FARS2: variants seen among roughly 807,000 people sequenced by gnomAD.
FARS2 encodes the protein phenylalanine--tRNA ligase, mitochondrial.
A neutral mutation model predicts 46.4 loss-of-function variants in FARS2; 40 were observed. The observed-to-expected ratio is 0.86, with a 90% CI of 0.67 to 1.12. The LOEUF (loss-of-function observed/expected upper bound fraction) is 1.12, where lower values mean the gene tolerates loss of function less well. Ranked by LOEUF, FARS2 falls within the 50% of genes most tolerant of loss-of-function variation. FARS2 has a pLI of 0.00. For synonymous variants in FARS2, 234 were observed against 214.9 expected, an observed-to-expected ratio of 1.09 and a Z score of -0.78; for missense variants, 513 against 567.9, an observed-to-expected ratio of 0.90 and a Z score of 0.98.
upstream of FARS2, chr6:5,260,531 G>T: frequency 7.2e-7 from 1 of 1,385,128 alleles, no homozygotes; most frequent in Non-Finnish European, 9.7e-7. Context: ...TCCTTGCCTC[G>T]CAGCCGCCGG....
At chr6:5,600,992 A>T (rs1228923796) in intron 5 of FARS2, among the ~76,000 whole-genome samples, 1 of 152,116 alleles carries the variant, frequency 6.6e-6, no homozygotes, top group Non-Finnish European at 1.5e-5. Context: ...GATTAGTGCC[A>T]TTAGAGGAAG....
intron 4 of FARS2, among the ~76,000 whole-genome samples, chr6:5,515,962 G>C (rs1468441017): frequency 6.6e-6 from 1 of 152,190 alleles, no homozygotes; most frequent in Non-Finnish European, 1.5e-5. Context: ...TTAGTTTGCT[G>C]TGTTAGGGTA....
chr6:5,757,991 C>T (rs1762294756), intron 6 of FARS2, among the ~76,000 whole-genome samples: 1 of 152,152 alleles, frequency 6.6e-6, no homozygotes, highest in Non-Finnish European at 1.5e-5. Flanking sequence ...GATGAGTTTC[C>T]ATCAGTTTGT....
intron 4 of FARS2, among the ~76,000 whole-genome samples, chr6:5,515,903 C>T (rs772767619): frequency 6.6e-6 from 1 of 152,186 alleles, no homozygotes; most frequent in Non-Finnish European, 1.5e-5. Flanking sequence ...ATATTAATTA[C>T]ATTTGTTACA....
At chr6:5,571,398 GATT>G (rs937842588) in intron 5 of FARS2, among the ~76,000 whole-genome samples, 3 of 152,116 alleles carry the variant, frequency 2.0e-5, no homozygotes, top group Non-Finnish European at 4.4e-5. Context: ...TAGTGGAAAA[GATT>G]ATTAAATCAT....
intron 6 of FARS2, among the ~76,000 whole-genome samples, chr6:5,754,224 G>A (rs1762094498): frequency 6.6e-6 from 1 of 152,232 alleles, no homozygotes; most frequent in South Asian, 2.1e-4. Flanking sequence ...GAATCACCTA[G>A]TATGCACTGA....
intron 5 of FARS2, among the ~76,000 whole-genome samples, chr6:5,562,056 A>G (rs1772015925): frequency 6.6e-6 from 1 of 152,112 alleles, no homozygotes; most frequent in Admixed American, 6.5e-5. Flanking sequence ...TATCTTCAGT[A>G]TACTTGTTTT....
At chr6:5,562,730 T>TCACACACA (rs1561715180) in intron 5 of FARS2, among the ~76,000 whole-genome samples, 59 of 103,976 alleles carry the variant, frequency 5.7e-4, no homozygotes, top group African/African-American at 2.2e-3. Context: ...ACACACACAG[T>TCACACACA]GTTTTTCATT....
intron 5 of FARS2, among the ~76,000 whole-genome samples, chr6:5,573,081 G>A (rs1772751964): frequency 6.6e-6 from 1 of 151,950 alleles, no homozygotes; most frequent in Non-Finnish European, 1.5e-5. Context: ...CTGCTTTTTG[G>A]CAGTCACATA....
At chr6:5,644,413 A>G (rs1355549221) in intron 6 of FARS2, among the ~76,000 whole-genome samples, 2 of 151,960 alleles carry the variant, frequency 1.3e-5, no homozygotes, top group Non-Finnish European at 2.9e-5. Flanking sequence ...ATGGAGTTTC[A>G]CCATGTTGCT....
intron 6 of FARS2, among the ~76,000 whole-genome samples, chr6:5,716,513 G>T (rs779916345): frequency 1.3e-5 from 2 of 152,084 alleles, no homozygotes; most frequent in Non-Finnish European, 2.9e-5. Flanking sequence ...ATTTCTCCCC[G>T]CCAACAAGCA....
intron 1 of FARS2, among the ~76,000 whole-genome samples, chr6:5,286,429 AT>A (rs1189225214): frequency 6.6e-6 from 1 of 152,034 alleles, no homozygotes; most frequent in African/African-American, 2.4e-5. Flanking sequence ...TGCCCGGCTA[AT>A]TTTTGTGTTA....
At chr6:5,318,081 T>C (rs1308734527) in intron 1 of FARS2, among the ~76,000 whole-genome samples, 1 of 151,666 alleles carries the variant, frequency 6.6e-6, no homozygotes, top group African/African-American at 2.4e-5. Context: ...ACAAGATAGG[T>C]TGGGCGCGGT....
chr6:5,718,293 A>C (rs1027243290), intron 6 of FARS2, among the ~76,000 whole-genome samples: 4 of 152,176 alleles, frequency 2.6e-5, no homozygotes, highest in African/African-American at 9.7e-5. Context: ...CTAGACTGAA[A>C]ACTTCCCAAG....
At chr6:5,409,626 A>G (rs62385373) in intron 3 of FARS2, among the ~76,000 whole-genome samples, 9 of 152,212 alleles carry the variant, frequency 5.9e-5, no homozygotes, top group Non-Finnish European at 1.3e-4. Context: ...TGTCTGTAAG[A>G]CTGAGCTGGC....
At chr6:5,406,402 G>A (rs945249065) in intron 3 of FARS2, among the ~76,000 whole-genome samples, 5 of 152,158 alleles carry the variant, frequency 3.3e-5, no homozygotes, top group Non-Finnish European at 7.3e-5. Flanking sequence ...GTCCCCAGGA[G>A]TTTCCTCCTG....
chr6:5,315,647 A>G (rs1197957087), intron 1 of FARS2, among the ~76,000 whole-genome samples: 1 of 151,712 alleles, frequency 6.6e-6, no homozygotes, highest in Non-Finnish European at 1.5e-5. Context: ...CAAAACACCA[A>G]AATCTACTCT....
At chr6:5,653,980 G>A (rs1022475481) in intron 6 of FARS2, among the ~76,000 whole-genome samples, 2 of 152,170 alleles carry the variant, frequency 1.3e-5, no homozygotes, top group African/African-American at 4.8e-5. Context: ...GGCAGTCTTG[G>A]AGTTTGGCTG....
the FARS2 span, among the ~76,000 whole-genome samples, chr6:5,251,133 T>C: frequency 0.021 from 3,221 of 152,234 alleles, 101 homozygotes; most frequent in African/African-American, 0.072. Flanking sequence ...CCATCTTGTG[T>C]TTGATTCCAC....
Sources: allele counts gnomAD v4.1 joint callset (sites outside exome capture counted in the v4.1 genomes callset), GRCh38; gene constraint gnomAD v4.1.1; transcripts MANE v1.5; gene names NCBI Gene and HGNC (gene_info 2026-07-23, HGNC 2026-07-21).